CBX6: variants seen among roughly 807,000 people sequenced by gnomAD.
CBX6 encodes chromobox protein homolog 6.
A neutral mutation model predicts 28.4 loss-of-function variants in CBX6; 7 were observed. That is an observed-to-expected ratio of 0.25 (90% CI 0.14 to 0.46). CBX6 has a LOEUF of 0.46. Ranked by LOEUF, CBX6 falls within the 20% of genes least tolerant of loss-of-function variation. CBX6 has a pLI of 0.99. For missense variants in CBX6, 512 were observed against 606.1 expected, an observed-to-expected ratio of 0.84 and a Z score of 1.63; for synonymous variants, 297 against 273.4, an observed-to-expected ratio of 1.09 and a Z score of -0.85.
chr22:38,862,559 AAG>A lies in CBX6; in HGVS notation c.*3648_*3649del, dbSNP rs1430133277. On this transcript the variant is annotated 3_prime_UTR_variant, in exon 5 of 5. Transcript: ENST00000407418. ...AAAAAAAAAAAAGAAAGAAAGAAAA[AAG>A]AAAAACAAAAGAAAAAAGAAAAACC... 6.6e-6 allele frequency: 1 copy of A among 151,628 alleles called. No individual in the cohort carries two copies. The highest frequency in any genetic ancestry group is 2.4e-5 in the African/African-American group (1 of 41,248). 9.4% of individuals were successfully genotyped at this position (151,628 alleles called of 1,614,324 possible).
rs3042739 is a variant in CBX6, at chr22:38,862,518, C to CAAAAAAAAAAAAA, written c.*3678_*3690dup. The CAAAAAAAAAAAAA allele has an allele frequency of 5.8e-4, 16 of 27,428 alleles. No homozygotes were observed. Among genetic ancestry groups the CAAAAAAAAAAAAA allele is most frequent in the South Asian group, 1.7e-3 (1 of 584 alleles). 1.7% of individuals were successfully genotyped at this position (27,428 alleles called of 1,614,324 possible). A position where few individuals can be genotyped will look rare whatever the true frequency, so the allele number is the denominator to read the frequency against. ...TCCACTGTCCTGTGTGGGCGAAGTG[C>CAAAAAAAAAAAAA]AAAAAAAAAAAAAAAAAAAAAAAAA... On this transcript the variant is annotated 3_prime_UTR_variant, in exon 5 of 5. Transcript: ENST00000407418.
chr22:38,869,406 A>G (rs1346643863), intron 4 of CBX6, among the ~76,000 whole-genome samples: 2 of 152,086 alleles, frequency 1.3e-5, no homozygotes, highest in African/African-American at 4.8e-5. Flanking sequence ...TCCTATGATG[A>G]TCAGAGAGTA....
At chr22:38,867,542 GAC>G (rs1276408848) in intron 4 of CBX6, among the ~76,000 whole-genome samples, 1 of 152,172 alleles carries the variant, frequency 6.6e-6, no homozygotes, top group Admixed American at 6.5e-5. Context: ...CGACAATTGG[GAC>G]ACAGTGTCGG....
At chr22:38,867,277 G>T (rs1331618286) in intron 4 of CBX6, 76 bp from the exon 5 acceptor site, 1 of 1,324,038 alleles carries the variant, frequency 7.6e-7, no homozygotes, top group Non-Finnish European at 1.0e-6. Flanking sequence ...ACGCCAGCCA[G>T]CCCTAAGTAG....
In CBX6 at chr22:38,865,480, A is replaced by T. The variant is rs2093167305; in HGVS notation, c.*729T>A. The T allele has an allele frequency of 6.5e-6, 1 of 152,820 alleles. No individual in the cohort carries two copies. 9.5% of individuals were successfully genotyped at this position (152,820 alleles called of 1,614,324 possible). A position where few individuals can be genotyped will look rare whatever the true frequency, so the allele number is the denominator to read the frequency against. ...CGAGTGGGGCAGACGCACAACTGGAAGTTTCCACGGCAGGTTCTCGTAGCA... is the reference window on the plus strand; with the variant it reads ...CGAGTGGGGCAGACGCACAACTGGATGTTTCCACGGCAGGTTCTCGTAGCA... On this transcript the variant is annotated 3_prime_UTR_variant, in exon 5 of 5. Coordinates refer to ENST00000407418, the MANE Select transcript of CBX6 (RefSeq NM_014292.5).
At chr22:38,867,260 T>C in intron 4 of CBX6, 59 bp from the exon 5 acceptor site, 2 of 1,471,282 alleles carry the variant, frequency 1.4e-6, no homozygotes, top group Non-Finnish European at 1.8e-6. Context: ...CTCCCCTGGA[T>C]GTCCCTACGC....
chr22:38,862,417 C>T lies in CBX6; in HGVS notation c.*3792G>A, dbSNP rs1281007533. The T allele has an allele frequency of 6.7e-6, 1 of 148,154 alleles. No homozygotes were observed. The highest frequency in any genetic ancestry group is 2.0e-4 in the East Asian group (1 of 4,950). The allele number at this position is 148,154 out of a possible 1,614,324, so 9.2% of individuals were successfully genotyped here. On this transcript the variant is annotated 3_prime_UTR_variant, in exon 5 of 5. Coordinates refer to ENST00000407418, the MANE Select transcript of CBX6 (RefSeq NM_014292.5). ...CCTTTTTTCTTTAAAAGTGTTTCCT[C>T]AAACCATCCCCGTCCCAAAGAGGCC...
At position 38,871,838 on chromosome 22, in the gene CBX6, C is replaced by A; in HGVS notation, c.113+64G>T. 1.9e-6 allele frequency: 3 copies of A among 1,565,144 alleles called. No individual in the cohort carries two copies. In the South Asian group the frequency reaches 3.5e-5, roughly 18 times the overall value. On this transcript the variant is annotated intron_variant, in intron 2 of 4. Transcript: ENST00000407418. This position sits in a 1 kb window ranked among gnomAD's most constrained non-coding sequence, Gnocchi z 5.6. ...CGGCGAGAGCAAGAGCGCGCACCCC[C>A]ACCCCAGGCCCCGGTGCCCGCTGCC...
Position 38,871,631 on chromosome 22 carries a change from C to T in CBX6, c.179+61G>A. On this transcript the variant is annotated intron_variant, in intron 3 of 4. Coordinates refer to ENST00000407418, the MANE Select transcript of CBX6 (RefSeq NM_014292.5). This position sits in a 1 kb window ranked among gnomAD's most constrained non-coding sequence, Gnocchi z 5.6. ...GCCCTCCCCGGCTCTCCCGCTTCCC[C>T]GCGCGGCGCCCCAGCCGAGCCTCGG... 1 of 1,610,898 alleles carries T rather than the reference C, an allele frequency of 6.2e-7. No homozygotes were observed. Among genetic ancestry groups the T allele is most frequent in the Non-Finnish European group, 8.5e-7 (1 of 1,178,146 alleles).
At position 38,864,836 on chromosome 22, in the gene CBX6, A is replaced by C. The variant is rs911061885; in HGVS notation, c.*1373T>G. Reference sequence around the variant, plus strand: ...GCTGGCCAGCGGGGCCCCGGTCCCAATTCTGGGACCAACACCCTCATTCTC... The same window carrying C: ...GCTGGCCAGCGGGGCCCCGGTCCCACTTCTGGGACCAACACCCTCATTCTC... On this transcript the variant is annotated 3_prime_UTR_variant, in exon 5 of 5. Coordinates refer to ENST00000407418, the MANE Select transcript of CBX6 (RefSeq NM_014292.5). 4.6e-5 allele frequency: 7 copies of C among 152,328 alleles called. No homozygotes were observed. The highest frequency in any genetic ancestry group is 1.7e-4 in the African/African-American group (7 of 41,464). The allele number at this position is 152,328 out of a possible 1,614,324, so 9.4% of individuals were successfully genotyped here. A position where few individuals can be genotyped will look rare whatever the true frequency, so the allele number is the denominator to read the frequency against.
chr22:38,866,358 G>T lies in CBX6; in HGVS notation c.1090C>A (p.Pro364Thr). ...EAGDWRPEMS[P>T]CSNVVVTDVT... ...TCGGTGACGACCACATTGGAGCAGGGTGACATCTCGGGGCGCCAGTCCCCA... is the reference window on the plus strand; with the variant it reads ...TCGGTGACGACCACATTGGAGCAGGTTGACATCTCGGGGCGCCAGTCCCCA... Residue 364 changes from proline to threonine, a missense_variant, in exon 5 of 5, where the codon CCC becomes ACC. Transcript: ENST00000407418. The surrounding 1 kb of genome is among the most constrained non-coding windows in gnomAD (Gnocchi z 7.5). 6.2e-7 allele frequency: 1 copy of T among 1,613,800 alleles called. No individual in the cohort carries two copies. Among genetic ancestry groups the T allele is most frequent in the Non-Finnish European group, 8.5e-7 (1 of 1,179,960 alleles).
At chr22:38,869,871 G>T (rs1264786552) in intron 4 of CBX6, 1 of 152,216 alleles carries the variant, frequency 6.6e-6, no homozygotes, top group Admixed American at 6.6e-5. Flanking sequence ...TTGCTTCAGA[G>T]TAGTTCCTGG....
chr22:38,867,228 G>GGTGGGGGTGGGGGGGGGGGC, intron 4 of CBX6, 27 bp from the exon 5 acceptor site: 1 of 518,866 alleles, frequency 1.9e-6, no homozygotes, highest in Non-Finnish European at 3.6e-6. Flanking sequence ...GGGTGGGTGG[G>GGTGGGGGTGGGGGGGGGGGC]ACCTCAGGAC....
In CBX6 at chr22:38,865,130, C is replaced by G. The variant is rs2235140; in HGVS notation, c.*1079G>C. 0.85 allele frequency: 128,994 copies of G among 152,302 alleles called. 55,068 individuals carry two copies. Among genetic ancestry groups the G allele is most frequent in the African/African-American group, 0.96 (39,888 of 41,572 alleles). The allele number at this position is 152,302 out of a possible 1,614,324, so 9.4% of individuals were successfully genotyped here. ...TTCTTCAGCATCCTCCCCAAACACC[C>G]GGAGGAAGAGGGAGCTTGGAATGGG... On this transcript the variant is annotated 3_prime_UTR_variant, in exon 5 of 5. Transcript: ENST00000407418.
chr22:38,866,993 G>C lies in CBX6; in HGVS notation c.455C>G (p.Pro152Arg). ...GSPGLRPPIS[P>R]FSETVRIINR... ...GATGATGCGCACCGTCTCCGAGAAG[G>C]GCGAAATGGGCGGGCGCAGTCCGGG... The change falls in exon 5 of 5, where the codon CCC becomes CGC. Residue 152 changes from proline (P) to arginine (R), a missense_variant. Around this residue, in one of 7 missense-constraint regions of CBX6, gnomAD observed 123 missense variants for 138.1 expected, o/e 0.89. Transcript: ENST00000407418. The surrounding 1 kb of genome is among the most constrained non-coding windows in gnomAD (Gnocchi z 7.5). 1.2e-6 allele frequency: 2 copies of C among 1,608,082 alleles called. No homozygotes were observed. Among genetic ancestry groups the C allele is most frequent in the East Asian group, 4.5e-5 (2 of 44,774 alleles).
In CBX6 at chr22:38,863,626, AGGCTGGCCCG is replaced by A. The variant is rs2093162781; in HGVS notation, c.*2573_*2582del. ...GTGCCTGGTGCCTCTTCATGCACCA[AGGCTGGCCCG>A]GGCTGCTCCACTTGGAGCTCAGGCC... On this transcript the variant is annotated 3_prime_UTR_variant, in exon 5 of 5. Coordinates refer to ENST00000407418, the MANE Select transcript of CBX6 (RefSeq NM_014292.5). 6.6e-6 allele frequency: 1 copy of A among 152,200 alleles called. No homozygotes were observed. The highest frequency in any genetic ancestry group is 1.5e-5 in the Non-Finnish European group (1 of 68,034). The allele number at this position is 152,200 out of a possible 1,614,324, so 9.4% of individuals were successfully genotyped here.
chr22:38,866,161 C>A lies in CBX6; in HGVS notation c.*48G>T, dbSNP rs761679049. On this transcript the variant is annotated 3_prime_UTR_variant, in exon 5 of 5. Transcript: ENST00000407418. The surrounding 1 kb of genome is among the most constrained non-coding windows in gnomAD (Gnocchi z 7.5). ...GGGTGGGGTGGGAGCAAGAGTATGA[C>A]TTCGGGCAGGAGGGCCCCCCCAAGC... 42 of 1,356,914 alleles carry A rather than the reference C, an allele frequency of 3.1e-5. No homozygotes were observed. Among genetic ancestry groups the A allele is most frequent in the Non-Finnish European group, 4.1e-5 (40 of 981,304 alleles). 84.1% of individuals were successfully genotyped at this position (1,356,914 alleles called of 1,614,324 possible). A position where few individuals can be genotyped will look rare whatever the true frequency, so the allele number is the denominator to read the frequency against.
Position 38,866,973 on chromosome 22 carries a change from T to C in CBX6, c.475A>G (p.Ile159Val). The C allele has an allele frequency of 6.2e-7, 1 of 1,609,270 alleles. No homozygotes were observed. Among genetic ancestry groups the C allele is most frequent in the Non-Finnish European group, 8.5e-7 (1 of 1,178,526 alleles). The change falls in exon 5 of 5, where the codon ATC becomes GTC. Residue 159 changes from isoleucine to valine, a missense_variant. Ile to Val is a conservative substitution (Grantham distance 29, BLOSUM62 3). Around this residue, in one of 7 missense-constraint regions of CBX6, gnomAD observed 123 missense variants for 138.1 expected, o/e 0.89. Coordinates refer to ENST00000407418, the MANE Select transcript of CBX6 (RefSeq NM_014292.5). The surrounding 1 kb of genome is among the most constrained non-coding windows in gnomAD (Gnocchi z 7.5). The stretch of plus-strand genomic sequence containing the variant: ...CGCGGCTTCACCTTGCGGTTGATGA[T>C]GCGCACCGTCTCCGAGAAGGGCGAA... ...PISPFSETVR[I>V]INRKVKPREP...
Position 38,865,859 on chromosome 22 carries a change from T to G in CBX6, c.*350A>C. On this transcript the variant is annotated 3_prime_UTR_variant, in exon 5 of 5. Transcript: ENST00000407418. ...TCCTAAGGGCCCCACAGCTGCCAGG[T>G]TAGCACCGAGAAATCAGACGCCGCA... 3.8e-6 allele frequency: 1 copy of G among 261,340 alleles called. No homozygotes were observed. The highest frequency in any genetic ancestry group is 7.3e-6 in the Non-Finnish European group (1 of 136,946). 16.2% of individuals were successfully genotyped at this position (261,340 alleles called of 1,614,324 possible). A position where few individuals can be genotyped will look rare whatever the true frequency, so the allele number is the denominator to read the frequency against.
Sources: gnomAD v4.1 joint callset for allele counts (sites outside exome capture counted in the v4.1 genomes callset) on GRCh38, gnomAD v4.1.1 for gene constraint, gnomAD v4.1.1 regional missense constraint, Gnocchi (gnomAD v3.1) non-coding constraint, MANE v1.5 for transcripts, NCBI Gene and HGNC (gene_info 2026-07-23, HGNC 2026-07-21) for gene names.